Variants in BAALC observed in about 807,000 individuals in gnomAD.
The protein encoded by BAALC is brain and acute leukemia cytoplasmic protein.
In BAALC, 9 loss-of-function variants were observed where a neutral mutation model predicts 15.5. The ratio of observed to expected loss-of-function variants is 0.58; its 90% CI spans 0.35 to 1.02. The LOEUF is 1.02. BAALC is among the 50% of genes least tolerant of loss of function. The pLI is 0.02. For missense variants in BAALC, 201 were observed against 192.4 expected (o/e 1.04, Z -0.27); for synonymous variants, 80 against 74.6 (o/e 1.07, Z -0.37).
At chr8:103,171,344 AGG>A (rs751043316) in intron 1 of BAALC, among the ~76,000 whole-genome samples, 2 of 125,176 alleles carry the variant, frequency 1.6e-5, no homozygotes, top group Non-Finnish European at 3.9e-5. Flanking sequence ...AGAAGGAAGG[AGG>A]AAAGAGCAAG....
chr8:103,141,014 C>G lies in BAALC; in HGVS notation c.117C>G (p.Ala39=). The G allele has an allele frequency of 6.6e-7, 1 of 1,521,906 alleles. No individual in the cohort carries two copies. The highest frequency in any genetic ancestry group is 8.8e-7 in the Non-Finnish European group (1 of 1,135,264). 94.3% of individuals were successfully genotyped at this position (1,521,906 alleles called of 1,614,324 possible). A position where few individuals can be genotyped will look rare whatever the true frequency, so the allele number is the denominator to read the frequency against. ...CCGACTCGGACGCGCCGCCCAGCGC[C>G]GCCGCCCCGGACAGCGGCCCCGAAG... ...TYTDSDAPPS[A]AAPDSGPEAG... is the part of the protein sequence containing the mutation. The change falls in exon 1 of 3, where the codon GCC becomes GCG. Residue 39 remains alanine (A), a synonymous_variant. Coordinates refer to ENST00000309982, the MANE Select transcript of BAALC (RefSeq NM_024812.3).
intron 1 of BAALC, among the ~76,000 whole-genome samples, chr8:103,200,937 G>A (rs1812201460): frequency 6.6e-6 from 1 of 152,102 alleles, no homozygotes; most frequent in Admixed American, 6.6e-5. Flanking sequence ...CCATAGCAGG[G>A]AGGAAAATTG....
At chr8:103,171,249 G>A (rs1387369512) in intron 1 of BAALC, among the ~76,000 whole-genome samples, 3 of 144,120 alleles carry the variant, frequency 2.1e-5, no homozygotes, top group African/African-American at 7.7e-5. Context: ...AAGAAAGGAA[G>A]GAAGGAAGAA....
At chr8:103,210,061 A>C (rs1812418550) in intron 1 of BAALC, among the ~76,000 whole-genome samples, 1 of 152,162 alleles carries the variant, frequency 6.6e-6, no homozygotes, top group Admixed American at 6.5e-5. Flanking sequence ...CCCTAGCCCC[A>C]GGCTGTTTGC....
At chr8:103,158,483 G>A (rs957726912) in intron 1 of BAALC, among the ~76,000 whole-genome samples, 3 of 151,822 alleles carry the variant, frequency 2.0e-5, no homozygotes, top group Non-Finnish European at 4.4e-5. Flanking sequence ...AGCACTTTAG[G>A]GCTTTTCTTT....
chr8:103,207,676 C>T (rs562054745), intron 1 of BAALC, among the ~76,000 whole-genome samples: 14 of 152,180 alleles, frequency 9.2e-5, no homozygotes, highest in African/African-American at 2.7e-4. Context: ...AGGTGGGAGG[C>T]GGTGACAGAG....
chr8:103,200,532 T>C (rs934822028), intron 1 of BAALC: 1 of 448,922 alleles, frequency 2.2e-6, no homozygotes. Context: ...TTTAAAAGGC[T>C]AACCACCCCC....
chr8:103,169,101 T>A (rs1811418628), intron 1 of BAALC, among the ~76,000 whole-genome samples: 1 of 152,044 alleles, frequency 6.6e-6, no homozygotes, highest in Non-Finnish European at 1.5e-5. Context: ...AAGTTATTAT[T>A]ATTATTATAT....
intron 1 of BAALC, among the ~76,000 whole-genome samples, chr8:103,208,843 T>C (rs758990112): frequency 7.2e-5 from 11 of 152,060 alleles, no homozygotes; most frequent in African/African-American, 1.9e-4. Flanking sequence ...CTGGATTGCA[T>C]TGGGAGAAGG....
chr8:103,181,423 C>G (rs567499944), intron 1 of BAALC, among the ~76,000 whole-genome samples: 39 of 152,210 alleles, frequency 2.6e-4, no homozygotes, highest in African/African-American at 9.1e-4. Context: ...AGTCTCCCAC[C>G]ACCACGCCTG....
intron 1 of BAALC, among the ~76,000 whole-genome samples, chr8:103,172,391 C>CTTT (rs36037103): frequency 1.1e-3 from 115 of 100,112 alleles, no homozygotes; most frequent in Non-Finnish European, 1.5e-3. Flanking sequence ...TTCTGGCTTG[C>CTTT]TTTTTTTTTT....
chr8:103,174,513 A>G (rs1391660612), intron 1 of BAALC, among the ~76,000 whole-genome samples: 3 of 152,196 alleles, frequency 2.0e-5, no homozygotes, highest in Non-Finnish European at 4.4e-5. Context: ...TCTGGGCTCA[A>G]CTTGTGAACT....
rs776261247 is a variant in BAALC at position 103,229,902 on chromosome 8, C to T, written c.*1803C>T. 3.9e-5 allele frequency: 6 copies of T among 152,174 alleles called. No homozygotes were observed. Among genetic ancestry groups the T allele is most frequent in the Non-Finnish European group, 8.8e-5 (6 of 68,028 alleles). 9.4% of individuals were successfully genotyped at this position (152,174 alleles called of 1,614,324 possible). On this transcript the variant is annotated 3_prime_UTR_variant, in exon 3 of 3. Transcript: ENST00000309982. ...TTCATATGTCCCCACTGGCATTACT[C>T]AGCAGGAGCCCCCAGCTGCCAAAGG...
intron 1 of BAALC, among the ~76,000 whole-genome samples, chr8:103,192,297 C>A (rs1350668750): frequency 6.6e-6 from 1 of 152,196 alleles, no homozygotes; most frequent in Non-Finnish European, 1.5e-5. Context: ...GGTGACCCAC[C>A]CGCCTCAGCC....
At chr8:103,141,618 A>T (rs929548503) in intron 1 of BAALC, 3 of 152,408 alleles carry the variant, frequency 2.0e-5, no homozygotes, top group Non-Finnish European at 2.9e-5. Context: ...CAAAGACCAG[A>T]ATCCCAGTTT....
At chr8:103,212,869 C>T in intron 1 of BAALC, 50 bp from the exon 2 acceptor site, 1 of 1,545,152 alleles carries the variant, frequency 6.5e-7, no homozygotes. Flanking sequence ...TTGTTTGCAA[C>T]ATCTGCCATG....
In BAALC at chr8:103,140,947, A is replaced by G; in HGVS notation, c.50A>G (p.Glu17Gly). The change falls in exon 1 of 3, where the codon GAG becomes GGG. Residue 17 changes from glutamate to glycine, a missense_variant. Physicochemically the swap from Glu to Gly is moderately conservative, Grantham distance 98. Coordinates refer to ENST00000309982, the MANE Select transcript of BAALC (RefSeq NM_024812.3). The surrounding 1 kb of genome is among the most constrained non-coding windows in gnomAD (Gnocchi z 4.2). ...RADAIEPRYY[E>G]SWTRETESTW... is the part of the protein sequence containing the mutation. ...GATGCCATCGAGCCCCGCTACTACGAGAGCTGGACCCGGGAGACAGAATCC... is the reference window on the plus strand; with the variant it reads ...GATGCCATCGAGCCCCGCTACTACGGGAGCTGGACCCGGGAGACAGAATCC... 1.3e-6 allele frequency: 2 copies of G among 1,538,590 alleles called. No individual in the cohort carries two copies. The highest frequency in any genetic ancestry group is 1.7e-6 in the Non-Finnish European group (2 of 1,143,520).
chr8:103,209,607 A>G (rs1037756385), intron 1 of BAALC, among the ~76,000 whole-genome samples: 1 of 152,140 alleles, frequency 6.6e-6, no homozygotes, highest in Admixed American at 6.5e-5. Flanking sequence ...GGACGTATCT[A>G]CCAAAGCCTC....
Position 103,148,906 on chromosome 8 carries a change from G to A in BAALC, c.160+7849G>A, listed in dbSNP as rs77090437. ...TTTCCTGGCTGTTTAGATTCAAATA[G>A]CATTTATTTGTATCTACTATTTGCA... On this transcript the variant is annotated intron_variant, in intron 1 of 2. Coordinates refer to ENST00000309982, the MANE Select transcript of BAALC (RefSeq NM_024812.3). Among the ~76,000 whole-genome samples, 56 of 152,280 alleles carry A rather than the reference G, an allele frequency of 3.7e-4. 1 individual carries two copies. In the East Asian group the frequency reaches 0.01, roughly 28 times the overall value.
Sources: gnomAD v4.1 joint callset for allele counts (sites outside exome capture counted in the v4.1 genomes callset) on GRCh38, gnomAD v4.1.1 for gene constraint, Gnocchi (gnomAD v3.1) non-coding constraint, MANE v1.5 for transcripts, NCBI Gene and HGNC (gene_info 2026-07-23, HGNC 2026-07-21) for gene names.